Variants in COPS3 observed in about 807,000 individuals in gnomAD.
COPS3 encodes the protein COP9 signalosome complex subunit 3.
COPS3 carries 10 observed loss-of-function variants against 58.2 expected under a neutral mutation model. The observed-to-expected ratio is 0.17, with a 90% CI of 0.11 to 0.29. The LOEUF is 0.29. Ranked by LOEUF, COPS3 falls within the 10% of genes least tolerant of loss-of-function variation. COPS3 has a pLI of 1.00. For synonymous variants in COPS3, 187 were observed against 181.7 expected (o/e 1.03, Z -0.24); for missense variants, 333 against 510.1 (o/e 0.65, Z 3.34).
rs555326482 is a variant in COPS3, at chr17:17,268,122, T to C, written c.349-145A>G. 2.5e-6 allele frequency: 3 copies of C among 1,202,582 alleles called. No homozygotes were observed. In the East Asian group the frequency reaches 8.8e-5, roughly 35 times the overall value. The allele number at this position is 1,202,582 out of a possible 1,614,324, so 74.5% of individuals were successfully genotyped here. A position where few individuals can be genotyped will look rare whatever the true frequency, so the allele number is the denominator to read the frequency against. ...GAGGTTTCCATACTCTTTCAGGAAA[T>C]TTCTGTCCCATTTAAGTCAGAAAAC... On this transcript the variant is annotated intron_variant, in intron 4 of 11. Transcript: ENST00000268717.
chr17:17,247,543 C>T lies in COPS3; in HGVS notation c.1155G>A (p.Glu385=). Residue 385 remains glutamate, a synonymous_variant, in exon 11 of 12, where the codon GAG becomes GAA. Transcript: ENST00000268717. Reference sequence around the variant, plus strand: ...CCATGGCTTTCAGCCGCTCATCCAGCTCAATGCACTTCAGCATCTGCATGA... The same window carrying T: ...CCATGGCTTTCAGCCGCTCATCCAGTTCAATGCACTTCAGCATCTGCATGA... ...NIDQEMLKCI[E]LDERLKAMDQ... 2 of 1,614,222 alleles carry T rather than the reference C, an allele frequency of 1.2e-6. No homozygotes were observed. Among genetic ancestry groups the T allele is most frequent in the Non-Finnish European group, 1.7e-6 (2 of 1,180,046 alleles).
chr17:17,260,179 G>T, intron 8 of COPS3, 122 bp downstream of exon 8: 1 of 966,630 alleles, frequency 1.0e-6, no homozygotes, highest in Non-Finnish European at 1.6e-6. Context: ...TTCTCTCTCA[G>T]CACAGAAATC....
At chr17:17,263,515 T>C (rs113153844) in intron 6 of COPS3, among the ~76,000 whole-genome samples, 48 of 136,350 alleles carry the variant, frequency 3.5e-4, no homozygotes, top group South Asian at 3.0e-3. Context: ...CTTTTCTTTT[T>C]TTTTTTTTTT....
intron 8 of COPS3, among the ~76,000 whole-genome samples, chr17:17,257,501 G>A (rs1251485589): frequency 6.6e-6 from 1 of 151,892 alleles, no homozygotes; most frequent in African/African-American, 2.4e-5. Context: ...GAGGAACCTA[G>A]AAAAACATCT....
chr17:17,257,047 A>C (rs2047990569), intron 8 of COPS3, among the ~76,000 whole-genome samples: 1 of 152,202 alleles, frequency 6.6e-6, no homozygotes, highest in Non-Finnish European at 1.5e-5. Context: ...TGACCAACAC[A>C]GTGGGATCCC....
At position 17,248,946 on chromosome 17, in the gene COPS3, G is replaced by C; in HGVS notation, c.1117C>G (p.Leu373Val). 2 of 1,600,472 alleles carry C rather than the reference G, an allele frequency of 1.2e-6. No individual in the cohort carries two copies. The highest frequency in any genetic ancestry group is 1.7e-6 in the Non-Finnish European group (2 of 1,172,474). The stretch of plus-strand genomic sequence containing the variant: ...TTTACCTCCTGATCAATGTTATGAA[G>C]CATGGCTGGGTTATTATATTTTTCA... ...NPEKYNNPAM[L>V]HNIDQEMLKC... The change falls in exon 10 of 12, where the codon CTT (leucine) becomes GTT (valine). Residue 373 changes from leucine to valine, a missense_variant. By Grantham distance (32) the Leu-to-Val change is conservative. Coordinates refer to ENST00000268717, the MANE Select transcript of COPS3 (RefSeq NM_003653.4).
At chr17:17,277,552 G>A (rs553127778) in intron 1 of COPS3, among the ~76,000 whole-genome samples, 2 of 152,228 alleles carry the variant, frequency 1.3e-5, no homozygotes, top group East Asian at 1.9e-4. Context: ...CGAGTAGCTG[G>A]AACTACAGGT....
chr17:17,263,466 T>C (rs540548822), intron 6 of COPS3, among the ~76,000 whole-genome samples: 2 of 150,564 alleles, frequency 1.3e-5, no homozygotes, highest in African/African-American at 4.8e-5. Context: ...CCCAGTGTGC[T>C]GGGATTACAG....
At chr17:17,252,662 C>A (rs2047877596) in intron 9 of COPS3, among the ~76,000 whole-genome samples, 1 of 152,252 alleles carries the variant, frequency 6.6e-6, no homozygotes. Context: ...TCAAAACTCA[C>A]ACCCACTTTG....
intron 4 of COPS3, among the ~76,000 whole-genome samples, chr17:17,270,297 T>C (rs900907891): frequency 3.3e-5 from 5 of 151,932 alleles, no homozygotes; most frequent in African/African-American, 1.2e-4. Flanking sequence ...CAACTTACTC[T>C]ACAATGGCTC....
chr17:17,251,470 G>T (rs1196082164), intron 9 of COPS3, among the ~76,000 whole-genome samples: 1 of 151,220 alleles, frequency 6.6e-6, no homozygotes, highest in African/African-American at 2.4e-5. Flanking sequence ...AATTTTTTTT[G>T]TATTTTTAGT....
chr17:17,271,210 G>A (rs1319363083), intron 2 of COPS3, among the ~76,000 whole-genome samples: 2 of 151,688 alleles, frequency 1.3e-5, no homozygotes, highest in African/African-American at 2.4e-5. Context: ...CAGGAGGACT[G>A]CTTAAGGCCA....
At chr17:17,274,309 G>A (rs2048412899) in intron 2 of COPS3, among the ~76,000 whole-genome samples, 1 of 152,042 alleles carries the variant, frequency 6.6e-6, no homozygotes, top group South Asian at 2.1e-4. Flanking sequence ...TTTCTGACAT[G>A]TCTTGATAAT....
chr17:17,260,259 A>G (rs1185450873), intron 8 of COPS3, 42 bp downstream of exon 8: 1 of 1,592,392 alleles, frequency 6.3e-7, no homozygotes, highest in Non-Finnish European at 8.6e-7. Flanking sequence ...CATGGCCCCC[A>G]GGGGGTCAGG....
chr17:17,269,241 A>G (rs1471522455), intron 4 of COPS3, among the ~76,000 whole-genome samples: 1 of 152,206 alleles, frequency 6.6e-6, no homozygotes. Flanking sequence ...CCTGGCAAAC[A>G]TGGTGAAACC....
intron 9 of COPS3, 55 bp from the exon 10 acceptor site, chr17:17,249,094 T>TG (rs1463492398): frequency 3.3e-6 from 3 of 906,006 alleles, no homozygotes; most frequent in Non-Finnish European, 5.3e-6. Context: ...GAATGCTATA[T>TG]GAATAGTCAT....
Position 17,260,242 on chromosome 17 carries a change from A to C in COPS3, c.936+59T>G, listed in dbSNP as rs888649184. On this transcript the variant is annotated intron_variant, in intron 8 of 11. Coordinates refer to ENST00000268717, the MANE Select transcript of COPS3 (RefSeq NM_003653.4). ...TCCTCAGCTCTGAAAAGGGAGAGAA[A>C]GGGAAACATGGCCCCCAGGGGGTCA... 3 of 1,533,070 alleles carry C rather than the reference A, an allele frequency of 2.0e-6. No homozygotes were observed. The African/African-American group carries it at 4.1e-5, about 21-fold the overall frequency. 95.0% of individuals were successfully genotyped at this position (1,533,070 alleles called of 1,614,324 possible).
chr17:17,267,740 G>T (rs943058329), intron 5 of COPS3, 145 bp downstream of exon 5: 10 of 618,980 alleles, frequency 1.6e-5, no homozygotes, highest in African/African-American at 5.5e-5. Context: ...CCGCCTGAAT[G>T]TAATAGATGT....
rs1462931868 is a variant in COPS3, at chr17:17,264,928, A to G, written c.495T>C (p.Asp165=). The G allele has an allele frequency of 6.2e-7, 1 of 1,613,742 alleles. No individual in the cohort carries two copies. The highest frequency in any genetic ancestry group is 8.5e-7 in the Non-Finnish European group (1 of 1,179,920). ...FKPALPYLDV[D]MMDICKENGA... ...CATTCTCTTTACAGATATCCATCAT[A>G]TCCACGTCAAGATATGGAAGGGCAG... The change falls in exon 6 of 12, where the codon GAT becomes GAC. Residue 165 remains aspartate, a synonymous_variant. Transcript: ENST00000268717.
Sources: gnomAD v4.1 joint callset for allele counts (sites outside exome capture counted in the v4.1 genomes callset) on GRCh38, gnomAD v4.1.1 for gene constraint, MANE v1.5 for transcripts, NCBI Gene and HGNC (gene_info 2026-07-23, HGNC 2026-07-21) for gene names.